The following ZNF385D variants were observed in gnomAD, a reference collection of about 807,000 sequenced individuals.
ZNF385D encodes zinc finger protein 385D, also known as zinc finger protein 659.
ZNF385D carries 15 observed loss-of-function variants against 35.8 expected under a neutral mutation model. That is an observed-to-expected ratio of 0.42 (90% confidence interval 0.28 to 0.64). The LOEUF is 0.64. ZNF385D is among the 30% of genes least tolerant of loss of function. The pLI is 0.23. For missense variants in ZNF385D, 474 were observed against 494.6 expected (o/e 0.96, Z 0.39); for synonymous variants, 212 against 186.8 (o/e 1.13, Z -1.10).
At chr3:21,820,856 T>G (rs1313917135) in intron 3 of ZNF385D, among the ~76,000 whole-genome samples, 1 of 149,420 alleles carries the variant, frequency 6.7e-6, no homozygotes, top group Non-Finnish European at 1.5e-5. Flanking sequence ...GTAAAGACAT[T>G]TAACAAAGAA....
intron 2 of ZNF385D, among the ~76,000 whole-genome samples, chr3:21,619,263 G>A (rs1471731112): frequency 6.6e-6 from 1 of 152,114 alleles, no homozygotes; most frequent in Admixed American, 6.6e-5. Context: ...TCGCATGGCA[G>A]CCTTGTGAAT....
intron 3 of ZNF385D, among the ~76,000 whole-genome samples, chr3:22,005,058 A>C (rs1478664732): frequency 3.9e-4 from 15 of 38,228 alleles, no homozygotes; most frequent in Non-Finnish European, 6.6e-4. Flanking sequence ...CTCAGCAGCA[A>C]AAAAAAAAAA....
At chr3:22,197,448 A>C (rs1396507867) in intron 2 of ZNF385D, among the ~76,000 whole-genome samples, 1 of 151,998 alleles carries the variant, frequency 6.6e-6, no homozygotes, top group Non-Finnish European at 1.5e-5. Flanking sequence ...TCCAGCTTTG[A>C]CCAATTGGCA....
chr3:21,495,675 C>T (rs571268583), intron 4 of ZNF385D, among the ~76,000 whole-genome samples: 2 of 151,938 alleles, frequency 1.3e-5, no homozygotes, highest in African/African-American at 4.8e-5. Flanking sequence ...CCAAAACTGG[C>T]AGAAGACAAG....
At chr3:22,307,292 T>C (rs1703281425) in intron 2 of ZNF385D, among the ~76,000 whole-genome samples, 2 of 152,106 alleles carry the variant, frequency 1.3e-5, no homozygotes, top group African/African-American at 4.8e-5. Context: ...CAATGATAGA[T>C]TAGAGTCATA....
chr3:22,032,653 A>T (rs146123584), intron 3 of ZNF385D, among the ~76,000 whole-genome samples: 5 of 152,180 alleles, frequency 3.3e-5, no homozygotes, highest in Non-Finnish European at 7.4e-5. Flanking sequence ...GGCAAATTAA[A>T]CTACACACTG....
At chr3:22,359,193 T>C (rs1696300039) in intron 2 of ZNF385D, among the ~76,000 whole-genome samples, 1 of 151,736 alleles carries the variant, frequency 6.6e-6, no homozygotes. Flanking sequence ...TCAGTGGTCA[T>C]TTTAGGTCTA....
chr3:22,163,149 G>T (rs1386137537), intron 3 of ZNF385D, among the ~76,000 whole-genome samples: 4 of 152,144 alleles, frequency 2.6e-5, no homozygotes, highest in Admixed American at 2.6e-4. Context: ...AACGAGCTCA[G>T]AGGAGGTAGT....
chr3:21,669,398 C>T (rs962422921), intron 1 of ZNF385D, among the ~76,000 whole-genome samples: 2 of 151,964 alleles, frequency 1.3e-5, no homozygotes, highest in African/African-American at 4.8e-5. Context: ...ATAGAATAAA[C>T]ATAATAAATG....
chr3:22,079,793 A>G (rs1191873525), intron 3 of ZNF385D, among the ~76,000 whole-genome samples: 1 of 151,950 alleles, frequency 6.6e-6, no homozygotes, highest in Non-Finnish European at 1.5e-5. Context: ...GAAAATAAAG[A>G]CCTTGGACAT....
At chr3:22,061,623 C>G (rs535750367) in intron 3 of ZNF385D, among the ~76,000 whole-genome samples, 11 of 152,174 alleles carry the variant, frequency 7.2e-5, no homozygotes, top group Non-Finnish European at 1.6e-4. Flanking sequence ...TTTCTTGTCA[C>G]TCTCTTTCAA....
At chr3:21,560,376 A>T (rs1345997823) in intron 3 of ZNF385D, among the ~76,000 whole-genome samples, 1 of 152,002 alleles carries the variant, frequency 6.6e-6, no homozygotes, top group Non-Finnish European at 1.5e-5. Context: ...TGTTGATGTT[A>T]TTCATTTCTG....
chr3:22,090,218 T>C (rs1025123518), intron 3 of ZNF385D, among the ~76,000 whole-genome samples: 5 of 152,214 alleles, frequency 3.3e-5, no homozygotes, highest in Admixed American at 6.5e-5. Context: ...TCCCAGGAGA[T>C]AGACCTCCAA....
chr3:21,843,687 T>C lies in ZNF385D; in HGVS notation c.326-178659A>G, dbSNP rs182296258. Among the ~76,000 whole-genome samples the C allele has an allele frequency of 4.9e-3, 743 of 152,030 alleles. 7 individuals carry two copies. Among genetic ancestry groups the C allele is most frequent in the African/African-American group, 0.017 (705 of 41,500 alleles). On this transcript the variant is annotated intron_variant, in intron 3 of 5. Transcript: ENST00000494108. Reference sequence around the variant, plus strand: ...GCAGGCATGTATTAAAGTCAGAAGATGATAAAGGGGAATAATCAAGTCATT... The same window carrying C: ...GCAGGCATGTATTAAAGTCAGAAGACGATAAAGGGGAATAATCAAGTCATT...
chr3:22,259,253 C>A lies in ZNF385D; in HGVS notation c.107-90218G>T, dbSNP rs186265524. ...GTAATAATATCATCTCTGAGCTTATCAGAAAAGTTATTAAGAATTGGGGAG... is the reference window on the plus strand; with the variant it reads ...GTAATAATATCATCTCTGAGCTTATAAGAAAAGTTATTAAGAATTGGGGAG... On this transcript the variant is annotated intron_variant, in intron 2 of 5. Coordinates refer to the ZNF385D transcript ENST00000494108. 2.8e-3 allele frequency among the ~76,000 whole-genome samples: 422 copies of A among 151,946 alleles called. 2 individuals carry two copies. Among genetic ancestry groups the A allele is most frequent in the African/African-American group, 9.8e-3 (407 of 41,508 alleles).
chr3:22,106,938 T>C (rs796317432), intron 3 of ZNF385D, among the ~76,000 whole-genome samples: 18 of 152,062 alleles, frequency 1.2e-4, no homozygotes, highest in African/African-American at 4.3e-4. Context: ...GTTGCTGCTC[T>C]CTCTGAAACA....
chr3:21,468,266 G>GT (rs1247631659), intron 4 of ZNF385D, among the ~76,000 whole-genome samples: 1 of 151,552 alleles, frequency 6.6e-6, no homozygotes, highest in Admixed American at 6.6e-5. Flanking sequence ...GCCAACTGTG[G>GT]TGGCGGGCAC....
intron 4 of ZNF385D, among the ~76,000 whole-genome samples, chr3:21,452,876 T>G (rs1702544188): frequency 6.6e-6 from 1 of 151,656 alleles, no homozygotes; most frequent in African/African-American, 2.4e-5. Flanking sequence ...TATATAAAAA[T>G]AAAGGGGTAC....
At chr3:21,722,782 C>T (rs1339189659) in intron 1 of ZNF385D, among the ~76,000 whole-genome samples, 1 of 152,210 alleles carries the variant, frequency 6.6e-6, no homozygotes, top group Non-Finnish European at 1.5e-5. Context: ...AACAAAGGTC[C>T]TAGAACTTGC....
Sources: gnomAD v4.1 joint callset for allele counts (sites outside exome capture counted in the v4.1 genomes callset) on GRCh38, gnomAD v4.1.1 for gene constraint, MANE v1.5 for transcripts, NCBI Gene and HGNC (gene_info 2026-07-23, HGNC 2026-07-21) for gene names.